Variants in WWC1 observed in about 807,000 individuals in gnomAD.
The protein encoded by WWC1 is protein KIBRA.
A neutral mutation model predicts 138.4 loss-of-function variants in WWC1; 55 were observed. The observed-to-expected ratio is 0.40, with a 90% CI of 0.32 to 0.50. The LOEUF is 0.50. Among genes scored for constraint, WWC1 ranks in the 20% least tolerant of loss-of-function variants. The probability of loss-of-function intolerance (pLI) is 0.72; values close to 1 mark genes in which losing one functional copy is unlikely to be tolerated. For synonymous variants in WWC1, 524 were observed against 564.9 expected (o/e 0.93, Z 1.03); for missense variants, 1,226 against 1,420.4 (o/e 0.86, Z 2.20).
chr5:168,308,826 TG>T (rs1446294976), intron 1 of WWC1, among the ~76,000 whole-genome samples: 2 of 152,330 alleles, frequency 1.3e-5, no homozygotes, highest in East Asian at 3.9e-4. Context: ...GCCCACTTCT[TG>T]GTCCTCACAT....
intron 22 of WWC1, 104 bp from the exon 23 acceptor site, chr5:168,468,846 CA>C (rs766247094): frequency 4.7e-4 from 549 of 1,179,192 alleles, no homozygotes; most frequent in Non-Finnish European, 6.0e-4. Flanking sequence ...AAACATTCTG[CA>C]GCGAATGTAT....
intron 3 of WWC1, among the ~76,000 whole-genome samples, chr5:168,387,524 A>T (rs1158662393): frequency 6.6e-6 from 1 of 152,174 alleles, no homozygotes; most frequent in African/African-American, 2.4e-5. Flanking sequence ...TGCCATAATA[A>T]AATACCATAG....
intron 1 of WWC1, among the ~76,000 whole-genome samples, chr5:168,337,119 G>A (rs1773542306): frequency 6.6e-6 from 1 of 151,604 alleles, no homozygotes; most frequent in Non-Finnish European, 1.5e-5. Context: ...CCTCATACCA[G>A]CGGCCCAGCC....
intron 1 of WWC1, among the ~76,000 whole-genome samples, chr5:168,325,975 C>T (rs1772496451): frequency 6.6e-6 from 1 of 152,158 alleles, no homozygotes; most frequent in African/African-American, 2.4e-5. Context: ...ATGTTGTAGA[C>T]TGTGTCAAAA....
chr5:168,439,573 G>A (rs1754565881), intron 15 of WWC1, among the ~76,000 whole-genome samples: 1 of 150,706 alleles, frequency 6.6e-6, no homozygotes, highest in Admixed American at 6.6e-5. Context: ...GTTGTGGTGA[G>A]CCAAGACCAT....
chr5:168,463,181 C>A (rs961380409), intron 20 of WWC1, among the ~76,000 whole-genome samples: 1 of 152,170 alleles, frequency 6.6e-6, no homozygotes, highest in African/African-American at 2.4e-5. Flanking sequence ...TCACAGTTTC[C>A]GCTGGTCAGG....
chr5:168,311,923 C>T, intron 1 of WWC1, among the ~76,000 whole-genome samples: 1 of 150,898 alleles, frequency 6.6e-6, no homozygotes, highest in African/African-American at 2.4e-5. Context: ...GTGGCGCACA[C>T]CTGTAATCCC....
chr5:168,357,105 G>A (rs1332965677), intron 1 of WWC1, among the ~76,000 whole-genome samples: 1 of 151,970 alleles, frequency 6.6e-6, no homozygotes, highest in Non-Finnish European at 1.5e-5. Context: ...CTCTTTGTTG[G>A]GACAAGCAAA....
At chr5:168,298,136 T>G (rs2152738298) in intron 1 of WWC1, among the ~76,000 whole-genome samples, 1 of 152,236 alleles carries the variant, frequency 6.6e-6, no homozygotes, top group East Asian at 1.9e-4. Flanking sequence ...CTTCCCGGGT[T>G]CAAGCAATTC....
chr5:168,444,923 C>T (rs2152875034), intron 17 of WWC1, among the ~76,000 whole-genome samples: 1 of 151,028 alleles, frequency 6.6e-6, no homozygotes, highest in Admixed American at 6.6e-5. Flanking sequence ...GTGTAGTTTG[C>T]CATAAATTAA....
intron 3 of WWC1, among the ~76,000 whole-genome samples, chr5:168,396,081 A>C (rs931964549): frequency 1.3e-5 from 2 of 152,118 alleles, no homozygotes; most frequent in Non-Finnish European, 2.9e-5. Context: ...ACATGTGAAC[A>C]TTAAAGAGTG....
intron 1 of WWC1, among the ~76,000 whole-genome samples, chr5:168,306,670 G>A (rs916366363): frequency 1.3e-5 from 2 of 152,024 alleles, no homozygotes. Flanking sequence ...AATCTCAGCT[G>A]ACTGCAACCT....
chr5:168,300,624 T>C (rs970935830), intron 1 of WWC1, among the ~76,000 whole-genome samples: 9 of 151,100 alleles, frequency 6.0e-5, no homozygotes, highest in Non-Finnish European at 1.0e-4. Flanking sequence ...TAGGGACACC[T>C]TTGTTGGCTT....
intron 1 of WWC1, among the ~76,000 whole-genome samples, chr5:168,320,846 A>C (rs987929476): frequency 6.6e-6 from 1 of 152,082 alleles, no homozygotes; most frequent in African/African-American, 2.4e-5. Flanking sequence ...GGAACTTGGC[A>C]TGTCTGGTTT....
chr5:168,293,233 A>G (rs1769227558), intron 1 of WWC1, among the ~76,000 whole-genome samples: 1 of 152,162 alleles, frequency 6.6e-6, no homozygotes, highest in South Asian at 2.1e-4. Flanking sequence ...CTCTCCATGT[A>G]TGTCCTAGAG....
At chr5:168,357,434 T>G (rs1291820584) in intron 1 of WWC1, among the ~76,000 whole-genome samples, 1 of 147,302 alleles carries the variant, frequency 6.8e-6, no homozygotes, top group Non-Finnish European at 1.5e-5. Context: ...CCATCTGGAG[T>G]GGCAACCTGC....
chr5:168,428,036 T>A lies in WWC1; in HGVS notation c.1814T>A (p.Val605Glu), dbSNP rs1429154855. Residue 605 changes from valine (V) to glutamate (E), a missense_variant, in exon 12 of 23, where the codon GTG becomes GAG. Around this residue, in one of 3 missense-constraint regions of WWC1, gnomAD observed 1,016 missense variants for 1,153.9 expected, o/e 0.88. Coordinates refer to ENST00000265293, the MANE Select transcript of WWC1 (RefSeq NM_015238.3). ...CCTTTCCATTTTCCTTCCCTAGCTGTGAATACGGCCCAGGGGTGTGGCCTG... is the reference window on the plus strand; with the variant it reads ...CCTTTCCATTTTCCTTCCCTAGCTGAGAATACGGCCCAGGGGTGTGGCCTG... ...GTEGKQLGQA[V>E]NTAQGCGLKV... 1 of 1,613,318 alleles carries A rather than the reference T, an allele frequency of 6.2e-7. No homozygotes were observed. Among genetic ancestry groups the A allele is most frequent in the Non-Finnish European group, 8.5e-7 (1 of 1,179,482 alleles).
At chr5:168,422,850 A>G (rs1781203801) in intron 10 of WWC1, among the ~76,000 whole-genome samples, 3 of 152,168 alleles carry the variant, frequency 2.0e-5, no homozygotes, top group African/African-American at 7.2e-5. Flanking sequence ...TTAAAGTATT[A>G]AAACAGTGAG....
In WWC1 at chr5:168,292,160, G is replaced by A. The variant is rs1405049951; in HGVS notation, c.8G>A (p.Arg3Gln). Residue 3 changes from arginine to glutamine, a missense_variant, in exon 1 of 23, where the codon CGG becomes CAG. Transcript: ENST00000265293. This position sits in a 1 kb window ranked among gnomAD's most constrained non-coding sequence, Gnocchi z 4.4. ...CCGGCAGCGCTTGGGAAGATGCCCC[G>A]GCCGGAGCTGCCCCTGCCGGAGGGC... is the stretch of plus-strand genomic sequence containing the variant. MPRPELPLPEGWE... is the reference protein window; with the variant it reads MPQPELPLPEGWE... 8 of 1,539,366 alleles carry A rather than the reference G, an allele frequency of 5.2e-6. No individual in the cohort carries two copies. Among genetic ancestry groups the A allele is most frequent in the East Asian group, 2.5e-5 (1 of 39,560 alleles).
Sources: gnomAD v4.1 joint callset for allele counts (sites outside exome capture counted in the v4.1 genomes callset) on GRCh38, gnomAD v4.1.1 for gene constraint, gnomAD v4.1.1 regional missense constraint, Gnocchi (gnomAD v3.1) non-coding constraint, MANE v1.5 for transcripts, NCBI Gene and HGNC (gene_info 2026-07-23, HGNC 2026-07-21) for gene names.